Variants in CD200R1L observed in about 807,000 individuals in gnomAD.
CD200R1L encodes the protein cell surface glycoprotein CD200 receptor 2.
A neutral mutation model predicts 24.8 loss-of-function variants in CD200R1L; 14 were observed. The ratio of observed to expected loss-of-function variants is 0.56; its 90% CI spans 0.37 to 0.88. CD200R1L has a LOEUF of 0.88. Ranked by LOEUF, CD200R1L falls within the 40% of genes least tolerant of loss-of-function variation. The pLI, the probability that CD200R1L is intolerant of heterozygous loss-of-function variation, is 0.00. For synonymous variants in CD200R1L, 111 were observed against 109.2 expected, an observed-to-expected ratio of 1.02 and a Z score of -0.11; for missense variants, 299 against 297.8, an observed-to-expected ratio of 1.00 and a Z score of -0.03.
chr3:112,846,363 C>T (rs115714928), intron 1 of CD200R1L, among the ~76,000 whole-genome samples: 40 of 152,344 alleles, frequency 2.6e-4, no homozygotes, highest in African/African-American at 9.1e-4. Flanking sequence ...TTTTCAATAA[C>T]TATATCACAA....
intron 2 of CD200R1L, among the ~76,000 whole-genome samples, chr3:112,840,397 G>A (rs930830815): frequency 1.3e-5 from 2 of 152,114 alleles, no homozygotes; most frequent in Admixed American, 6.5e-5. Flanking sequence ...CAGGAGGAAG[G>A]GGTTGTGGGT....
intron 6 of CD200R1L, among the ~76,000 whole-genome samples, chr3:112,823,566 T>A (rs989915082): frequency 6.6e-6 from 1 of 152,046 alleles, no homozygotes; most frequent in African/African-American, 2.4e-5. Context: ...TCACACACAT[T>A]TGGTGTCAGA....
At position 112,815,846 on chromosome 3, in the gene CD200R1L, G is replaced by A; in HGVS notation, c.*117C>T. 1 of 712,208 alleles carries A rather than the reference G, an allele frequency of 1.4e-6. No individual in the cohort carries two copies. Among genetic ancestry groups the A allele is most frequent in the Non-Finnish European group, 2.6e-6 (1 of 389,428 alleles). 44.1% of individuals were successfully genotyped at this position (712,208 alleles called of 1,614,324 possible). ...TTTCTTTTCTTCTATCCTACTGAGT[G>A]GCTTCTATCCTTAACATCATCCATG... On this transcript the variant is annotated 3_prime_UTR_variant, in exon 8 of 8. Transcript: ENST00000488794.
At chr3:112,834,821 G>A (rs1938893850) in intron 3 of CD200R1L, among the ~76,000 whole-genome samples, 1 of 152,230 alleles carries the variant, frequency 6.6e-6, no homozygotes, top group Non-Finnish European at 1.5e-5. Context: ...AGAGGAGTGG[G>A]CAGCTCCAAG....
chr3:112,824,259 AAG>A lies in CD200R1L; in HGVS notation c.616+2732_616+2733del, dbSNP rs556950617. On this transcript the variant is annotated intron_variant, in intron 6 of 7. Transcript: ENST00000488794. ...CTGGCATTGAATATGGGGAATAAGA[AAG>A]AGAAATGTTGTAGAATATTCTAAAG... Among the ~76,000 whole-genome samples the A allele has an allele frequency of 1.4e-3, 212 of 152,350 alleles. 2 individuals carry two copies. Among genetic ancestry groups the A allele is most frequent in the East Asian group, 6.4e-3 (33 of 5,188 alleles).
At chr3:112,824,274 G>A (rs997284542) in intron 6 of CD200R1L, among the ~76,000 whole-genome samples, 5 of 152,174 alleles carry the variant, frequency 3.3e-5, no homozygotes, top group African/African-American at 4.8e-5. Flanking sequence ...AAATGTTGTA[G>A]AATATTCTAA....
At chr3:112,818,625 G>A (rs1938452890) in intron 7 of CD200R1L, 2 of 153,388 alleles carry the variant, frequency 1.3e-5, no homozygotes, top group South Asian at 2.1e-4. Context: ...AGCAATTTGG[G>A]TGTGTAGAGG....
chr3:112,845,158 A>T (rs1315677165), intron 2 of CD200R1L, among the ~76,000 whole-genome samples: 1 of 152,180 alleles, frequency 6.6e-6, no homozygotes, highest in Non-Finnish European at 1.5e-5. Context: ...ACAAAGAAAA[A>T]AAAAGAGGAG....
At chr3:112,842,519 T>G (rs1189732270) in intron 2 of CD200R1L, among the ~76,000 whole-genome samples, 1 of 152,056 alleles carries the variant, frequency 6.6e-6, no homozygotes, top group Non-Finnish European at 1.5e-5. Flanking sequence ...TAACAGTAAT[T>G]TTTAGGGAAC....
intron 6 of CD200R1L, among the ~76,000 whole-genome samples, chr3:112,825,156 A>G (rs928947112): frequency 2.0e-5 from 3 of 151,772 alleles, no homozygotes; most frequent in Non-Finnish European, 4.4e-5. Flanking sequence ...GGAGGATGGC[A>G]TGAACCTGGG....
intron 3 of CD200R1L, among the ~76,000 whole-genome samples, chr3:112,834,857 C>A (rs1454535766): frequency 6.6e-6 from 1 of 152,210 alleles, no homozygotes; most frequent in African/African-American, 2.4e-5. Flanking sequence ...CAGCTCCCTG[C>A]AAGGCTGCAG....
intron 3 of CD200R1L, among the ~76,000 whole-genome samples, chr3:112,834,843 G>A (rs1938894234): frequency 6.6e-6 from 1 of 152,218 alleles, no homozygotes; most frequent in South Asian, 2.1e-4. Context: ...GCTGGCATGG[G>A]TGCCAGCTCC....
Position 112,827,659 on chromosome 3 carries a change from C to T in CD200R1L, c.75G>A (p.Met25Ile). The T allele has an allele frequency of 6.2e-7, 1 of 1,613,678 alleles. No individual in the cohort carries two copies. Among genetic ancestry groups the T allele is most frequent in the Non-Finnish European group, 8.5e-7 (1 of 1,179,806 alleles). The change falls in exon 5 of 8, where the codon ATG (methionine) becomes ATA (isoleucine). Residue 25 changes from methionine (M) to isoleucine (I), a missense_variant. Physicochemically the swap from Met to Ile is conservative, Grantham distance 10 (BLOSUM62 1). Transcript: ENST00000488794. Reference protein sequence around the residue: ...AEGNISQPVLMDINAVLCCPP... With the variant: ...AEGNISQPVLIDINAVLCCPP... ...GGCAACAAAGCACAGCATTTATATC[C>T]ATCAGTACAGGCTGTGAAATGTTAC...
At chr3:112,839,542 C>T (rs564443148) in intron 2 of CD200R1L, among the ~76,000 whole-genome samples, 25 of 152,132 alleles carry the variant, frequency 1.6e-4, no homozygotes, top group Non-Finnish European at 3.5e-4. Flanking sequence ...CTATGTCTGC[C>T]GTGAAAGAAC....
intron 3 of CD200R1L, among the ~76,000 whole-genome samples, chr3:112,833,170 C>G (rs1281609475): frequency 1.3e-5 from 2 of 152,228 alleles, no homozygotes; most frequent in African/African-American, 4.8e-5. Context: ...TTGGAGGCAG[C>G]CTGCTGCATA....
intron 2 of CD200R1L, among the ~76,000 whole-genome samples, chr3:112,841,505 C>T (rs536368424): frequency 6.6e-6 from 1 of 152,344 alleles, no homozygotes; most frequent in African/African-American, 2.4e-5. Context: ...GAAGATTTCT[C>T]ATGTGGGGCA....
At chr3:112,828,653 G>C (rs898358736) in intron 4 of CD200R1L, among the ~76,000 whole-genome samples, 5 of 152,026 alleles carry the variant, frequency 3.3e-5, no homozygotes, top group African/African-American at 1.2e-4. Flanking sequence ...CCAATTCTCA[G>C]GTGTAAATGT....
At chr3:112,842,328 C>A (rs1271030142) in intron 2 of CD200R1L, among the ~76,000 whole-genome samples, 1 of 152,158 alleles carries the variant, frequency 6.6e-6, no homozygotes, top group Non-Finnish European at 1.5e-5. Context: ...TTATCAGTTC[C>A]CAAATAATAC....
chr3:112,834,953 G>C (rs7628337), intron 3 of CD200R1L, among the ~76,000 whole-genome samples: 35,108 of 152,138 alleles, frequency 0.23, 4,547 homozygotes, highest in African/African-American at 0.34. Context: ...AGCCCTAAAA[G>C]GGTGTCACAG....
Sources: allele counts gnomAD v4.1 joint callset (sites outside exome capture counted in the v4.1 genomes callset), GRCh38; gene constraint gnomAD v4.1.1; transcripts MANE v1.5; gene names NCBI Gene and HGNC (gene_info 2026-07-23, HGNC 2026-07-21).